The following ITCH variants were observed in gnomAD, a reference collection of about 807,000 sequenced individuals.
ITCH encodes E3 ubiquitin-protein ligase Itchy homolog.
ITCH carries 28 observed loss-of-function variants against 126.8 expected under a neutral mutation model. The observed-to-expected ratio is 0.22, with a 90% CI of 0.16 to 0.30. ITCH has a LOEUF of 0.30. ITCH is among the 10% of genes least tolerant of loss of function. The pLI is 1.00. For missense variants in ITCH, 631 were observed against 1,032.4 expected (o/e 0.61, Z 5.33); for synonymous variants, 342 against 340.0 (o/e 1.01, Z -0.06).
intron 16 of ITCH, among the ~76,000 whole-genome samples, chr20:34,473,472 G>A (rs888697416): frequency 2.6e-5 from 4 of 152,144 alleles, no homozygotes; most frequent in African/African-American, 9.6e-5. Context: ...TGAGAGAATG[G>A]CGCCACCTGG....
intron 2 of ITCH, among the ~76,000 whole-genome samples, chr20:34,376,969 C>G (rs1467180367): frequency 6.6e-6 from 1 of 152,180 alleles, no homozygotes; most frequent in Non-Finnish European, 1.5e-5. Flanking sequence ...GGCTATATTC[C>G]TCTTTTCATG....
At chr20:34,501,140 A>G (rs967333893) in intron 23 of ITCH, among the ~76,000 whole-genome samples, 5 of 152,154 alleles carry the variant, frequency 3.3e-5, no homozygotes, top group African/African-American at 1.2e-4. Flanking sequence ...CAGGAAGAGA[A>G]AGTTTTAGAG....
At chr20:34,484,040 G>A (rs550070990) in intron 20 of ITCH, among the ~76,000 whole-genome samples, 2 of 152,268 alleles carry the variant, frequency 1.3e-5, no homozygotes, top group African/African-American at 2.4e-5. Flanking sequence ...AACAACATGA[G>A]AAAGGCCCGC....
At chr20:34,371,985 A>G (rs962001617) in intron 2 of ITCH, among the ~76,000 whole-genome samples, 2 of 152,074 alleles carry the variant, frequency 1.3e-5, no homozygotes, top group Admixed American at 6.6e-5. Context: ...TGACATCACA[A>G]TATATGACTG....
At chr20:34,489,525 G>T in intron 21 of ITCH, 139 bp downstream of exon 21, 1 of 824,368 alleles carries the variant, frequency 1.2e-6, no homozygotes, top group Non-Finnish European at 2.0e-6. Context: ...CATCCCCAAT[G>T]GTTAAAGAAA....
intron 20 of ITCH, among the ~76,000 whole-genome samples, chr20:34,481,576 A>G (rs1271581843): frequency 2.0e-5 from 3 of 152,186 alleles, no homozygotes; most frequent in Admixed American, 6.5e-5. Context: ...ATTTATAAAA[A>G]AAAGAGGTTT....
chr20:34,455,343 T>A (rs1985778911), intron 12 of ITCH, among the ~76,000 whole-genome samples: 1 of 152,210 alleles, frequency 6.6e-6, no homozygotes. Flanking sequence ...TAAATTAGGA[T>A]ACAGCAGGAA....
At chr20:34,364,716 T>A (rs1340759873) in intron 1 of ITCH, among the ~76,000 whole-genome samples, 97 of 19,326 alleles carry the variant, frequency 5.0e-3, no homozygotes, top group East Asian at 0.011. Flanking sequence ...CCGTCTCTAC[T>A]AAAAATACAA....
chr20:34,494,035 C>G (rs1052224268), intron 23 of ITCH, among the ~76,000 whole-genome samples: 1 of 152,172 alleles, frequency 6.6e-6, no homozygotes, highest in Non-Finnish European at 1.5e-5. Flanking sequence ...TTGAGAACAG[C>G]TGGGACGACA....
At chr20:34,441,116 C>G (rs1983695500) in intron 9 of ITCH, among the ~76,000 whole-genome samples, 1 of 151,694 alleles carries the variant, frequency 6.6e-6, no homozygotes, top group Non-Finnish European at 1.5e-5. Flanking sequence ...ACTAAAAATA[C>G]AAAAAATTAG....
intron 13 of ITCH, among the ~76,000 whole-genome samples, chr20:34,458,116 G>A (rs1986190699): frequency 6.6e-6 from 1 of 152,000 alleles, no homozygotes; most frequent in Non-Finnish European, 1.5e-5. Context: ...GTTTCAAGGA[G>A]GAAGAAAATA....
chr20:34,425,622 T>C (rs1981407032), intron 7 of ITCH, among the ~76,000 whole-genome samples: 1 of 152,236 alleles, frequency 6.6e-6, no homozygotes, highest in African/African-American at 2.4e-5. Flanking sequence ...TGTTACTCTT[T>C]GCTACAGTGA....
chr20:34,386,137 TG>T (rs2038277106), intron 2 of ITCH, among the ~76,000 whole-genome samples: 1 of 151,982 alleles, frequency 6.6e-6, no homozygotes, highest in African/African-American at 2.4e-5. Context: ...GGCAGAGTCT[TG>T]ATCTCTCGTC....
chr20:34,503,983 C>G (rs1972451746), intron 23 of ITCH, among the ~76,000 whole-genome samples: 1 of 149,452 alleles, frequency 6.7e-6, no homozygotes, highest in South Asian at 2.1e-4. Context: ...CAGATTCAAG[C>G]AATTCTCCTG....
In ITCH at chr20:34,484,943, C is replaced by G. The variant is rs368139662; in HGVS notation, c.2093+3737C>G. ...CCCATAAGGGGCCAATGCACACCTC[C>G]CTTCTCCCAGCCCCAGAGGTAGGTA... On this transcript the variant is annotated intron_variant, in intron 20 of 24. Transcript: ENST00000374864. Among the ~76,000 whole-genome samples the G allele has an allele frequency of 7.0e-4, 107 of 152,260 alleles. 1 individual carries two copies. Among genetic ancestry groups the G allele is most frequent in the African/African-American group, 2.5e-3 (104 of 41,544 alleles).
rs551906217 is a variant in ITCH at position 34,393,038 on chromosome 20, C to T, written c.-21-753C>T. 5.3e-5 allele frequency among the ~76,000 whole-genome samples: 8 copies of T among 152,232 alleles called. No homozygotes were observed. In the East Asian group the frequency reaches 9.6e-4, roughly 18 times the overall value. ...GTTTATAATCATCTGTACCCCATTG[C>T]GTGATGGGGTGATCATTTTGTGATC... On this transcript the variant is annotated intron_variant, in intron 2 of 24. Coordinates refer to ENST00000374864, the MANE Select transcript of ITCH (RefSeq NM_031483.7).
intron 3 of ITCH, among the ~76,000 whole-genome samples, chr20:34,407,230 T>C (rs2039090858): frequency 6.6e-6 from 1 of 152,194 alleles, no homozygotes; most frequent in Non-Finnish European, 1.5e-5. Flanking sequence ...TATTCTTCCA[T>C]TGGCTTTCCA....
At chr20:34,395,745 A>G (rs927385163) in intron 3 of ITCH, among the ~76,000 whole-genome samples, 1 of 152,190 alleles carries the variant, frequency 6.6e-6, no homozygotes, top group Non-Finnish European at 1.5e-5. Flanking sequence ...ACTGTTTTCA[A>G]AGTTCATCCA....
At chr20:34,474,684 C>T (rs1385803662) in intron 16 of ITCH, among the ~76,000 whole-genome samples, 1 of 152,228 alleles carries the variant, frequency 6.6e-6, no homozygotes, top group East Asian at 1.9e-4. Flanking sequence ...TTGGGTACAC[C>T]TCCCAGACGG....
Sources: allele counts gnomAD v4.1 joint callset (sites outside exome capture counted in the v4.1 genomes callset), GRCh38; gene constraint gnomAD v4.1.1; transcripts MANE v1.5; gene names NCBI Gene and HGNC (gene_info 2026-07-23, HGNC 2026-07-21).